TENT2: variants seen among roughly 807,000 people sequenced by gnomAD.
The protein encoded by TENT2 is terminal nucleotidyltransferase 2, also known as poly(A) RNA polymerase GLD2.
A neutral mutation model predicts 72.2 loss-of-function variants in TENT2; 44 were observed. The observed-to-expected ratio is 0.61, with a 90% CI of 0.48 to 0.78. The LOEUF is 0.78. TENT2 is among the 30% of genes least tolerant of loss of function. The pLI, the probability that TENT2 is intolerant of heterozygous loss-of-function variation, is 0.00. For missense variants in TENT2, 541 were observed against 569.6 expected (o/e 0.95, Z 0.51); for synonymous variants, 212 against 192.5 (o/e 1.10, Z -0.84).
At chr5:79,655,556 A>G (rs747235968) in intron 10 of TENT2, among the ~76,000 whole-genome samples, 4 of 152,092 alleles carry the variant, frequency 2.6e-5, no homozygotes, top group Non-Finnish European at 4.4e-5. Context: ...TGACTTCTGT[A>G]TTATAACCAA....
chr5:79,674,149 C>T (rs1223572341), intron 12 of TENT2, among the ~76,000 whole-genome samples: 5 of 152,030 alleles, frequency 3.3e-5, no homozygotes, highest in African/African-American at 1.2e-4. Context: ...TTTGGGAGGT[C>T]GAGGCAGGCA....
At chr5:79,632,152 A>G (rs1041034367) in intron 4 of TENT2, among the ~76,000 whole-genome samples, 1 of 152,214 alleles carries the variant, frequency 6.6e-6, no homozygotes, top group Non-Finnish European at 1.5e-5. Flanking sequence ...GGTAGTATAG[A>G]GGGCTCACTT....
chr5:79,666,301 T>C (rs184931130), intron 11 of TENT2, among the ~76,000 whole-genome samples: 2 of 152,116 alleles, frequency 1.3e-5, no homozygotes, highest in East Asian at 3.9e-4. Flanking sequence ...AAAGAAATTA[T>C]TTGTTGAAAT....
At chr5:79,663,351 T>C (rs1235506102) in intron 11 of TENT2, among the ~76,000 whole-genome samples, 1 of 152,248 alleles carries the variant, frequency 6.6e-6, no homozygotes, top group Non-Finnish European at 1.5e-5. Flanking sequence ...TGGCTGTCTT[T>C]GGTGCAAGAG....
intron 11 of TENT2, among the ~76,000 whole-genome samples, chr5:79,660,352 A>G (rs1801838209): frequency 6.6e-6 from 1 of 152,134 alleles, no homozygotes; most frequent in South Asian, 2.1e-4. Flanking sequence ...TTATGAAGGA[A>G]TCTTTATTTT....
chr5:79,663,462 T>A (rs1307005672), intron 11 of TENT2, among the ~76,000 whole-genome samples: 1 of 152,188 alleles, frequency 6.6e-6, no homozygotes, highest in Non-Finnish European at 1.5e-5. Context: ...ACTTTTCCTT[T>A]CACTTGGTCG....
At chr5:79,636,499 A>T (rs1040803351) in intron 4 of TENT2, among the ~76,000 whole-genome samples, 2 of 152,228 alleles carry the variant, frequency 1.3e-5, no homozygotes, top group African/African-American at 4.8e-5. Context: ...TATAGAAGTC[A>T]GGTAGGTTAA....
rs766886079 is a variant in TENT2, at chr5:79,619,701, A to T, written c.53A>T (p.Gln18Leu). Residue 18 changes from glutamine (Q) to leucine (L), a missense_variant, in exon 2 of 15, where the codon CAA (glutamine) becomes CTA (leucine). Physicochemically the swap from Gln to Leu is moderately radical, Grantham distance 113. Transcript: ENST00000453514. The part of the protein sequence containing the change: ...GRPPFTPNHQ[Q>L]HNNFFTLSPT... ...CCACCCTTCACTCCAAATCATCAAC[A>T]ACATAATAACTTCTTTACCCTGTCA... is the stretch of plus-strand genomic sequence containing the variant. 1.2e-6 allele frequency: 2 copies of T among 1,613,960 alleles called. No individual in the cohort carries two copies. Among genetic ancestry groups the T allele is most frequent in the South Asian group, 2.2e-5 (2 of 91,064 alleles).
At chr5:79,621,617 G>A (rs1480799654) in intron 3 of TENT2, among the ~76,000 whole-genome samples, 2 of 151,818 alleles carry the variant, frequency 1.3e-5, no homozygotes, top group Non-Finnish European at 2.9e-5. Context: ...AATTAGCCGA[G>A]TGTGGTGGCA....
chr5:79,645,694 T>A (rs1408813477), intron 8 of TENT2, among the ~76,000 whole-genome samples: 1 of 152,230 alleles, frequency 6.6e-6, no homozygotes, highest in East Asian at 1.9e-4. Flanking sequence ...GGGTTCTGAA[T>A]GTCTTATGGG....
At chr5:79,667,547 A>G (rs1469955294) in intron 11 of TENT2, among the ~76,000 whole-genome samples, 1 of 152,142 alleles carries the variant, frequency 6.6e-6, no homozygotes, top group Non-Finnish European at 1.5e-5. Flanking sequence ...CTTAAAATGT[A>G]ATTAATACTA....
In TENT2 at chr5:79,623,345, G is replaced by T; in HGVS notation, c.321G>T (p.Val107=). The T allele has an allele frequency of 2.5e-6, 4 of 1,613,576 alleles. No homozygotes were observed. The highest frequency in any genetic ancestry group is 3.4e-6 in the Non-Finnish European group (4 of 1,179,746). ...AGCCAACTGTAGTTAACCAGATAGT[G>T]CCTTTATCAGGTGAACGAAGATACT... ...HQEPTVVNQI[V]PLSGERRYSM... is the part of the protein sequence containing the mutation. The change falls in exon 4 of 15, where the codon GTG becomes GTT. Residue 107 remains valine (V), a synonymous_variant. Transcript: ENST00000453514.
In TENT2 at chr5:79,626,988, G is replaced by A. The variant is rs567145651; in HGVS notation, c.465+3499G>A. Among the ~76,000 whole-genome samples the A allele has an allele frequency of 7.9e-5, 12 of 152,028 alleles. No homozygotes were observed. In the East Asian group the frequency reaches 2.4e-3, roughly 30 times the overall value. The stretch of plus-strand genomic sequence containing the variant: ...CTACTAAAAATACAAAAATTAGCTG[G>A]GCGTGGTGGCAGGCGCCTATAGTCC... On this transcript the variant is annotated intron_variant, in intron 4 of 14. Transcript: ENST00000453514.
At chr5:79,654,117 T>G (rs923734455) in intron 10 of TENT2, among the ~76,000 whole-genome samples, 3 of 152,216 alleles carry the variant, frequency 2.0e-5, no homozygotes, top group South Asian at 2.1e-4. Context: ...GAGAAAGGAT[T>G]TTAATTATAA....
intron 4 of TENT2, among the ~76,000 whole-genome samples, chr5:79,635,813 C>T (rs1017620765): frequency 6.6e-6 from 1 of 152,192 alleles, no homozygotes; most frequent in Non-Finnish European, 1.5e-5. Context: ...ACCTTGGCCT[C>T]CCAAAGTGCT....
Position 79,650,298 on chromosome 5 carries a change from C to T in TENT2, c.1027+1108C>T, listed in dbSNP as rs533103712. On this transcript the variant is annotated intron_variant, in intron 10 of 14. Transcript: ENST00000453514. Reference sequence around the variant, plus strand: ...TGAGAATACAGCAGTGAACAACATACAAAAACAATTACCTTCTTCATGAAG... The same window carrying T: ...TGAGAATACAGCAGTGAACAACATATAAAAACAATTACCTTCTTCATGAAG... 2.0e-5 allele frequency among the ~76,000 whole-genome samples: 3 copies of T among 152,188 alleles called. No homozygotes were observed. In the East Asian group the frequency reaches 5.8e-4, roughly 29 times the overall value.
At chr5:79,637,229 C>CA (rs56715544) in intron 4 of TENT2, among the ~76,000 whole-genome samples, 10,110 of 148,390 alleles carry the variant, frequency 0.068, 438 homozygotes, top group South Asian at 0.13. Context: ...GACCATGTAT[C>CA]AAAAAAAAAA....
intron 11 of TENT2, among the ~76,000 whole-genome samples, chr5:79,659,183 A>G (rs1800157838): frequency 6.6e-6 from 1 of 152,018 alleles, no homozygotes; most frequent in African/African-American, 2.4e-5. Flanking sequence ...GCTGGTCAGC[A>G]GAACACATTT....
Position 79,634,137 on chromosome 5 carries a change from A to G in TENT2, c.466-6714A>G, listed in dbSNP as rs561444076. Among the ~76,000 whole-genome samples, 1,245 of 147,258 alleles carry G rather than the reference A, an allele frequency of 8.5e-3. 15 individuals carry two copies. Among genetic ancestry groups the G allele is most frequent in the African/African-American group, 0.03 (1,207 of 40,270 alleles). On this transcript the variant is annotated intron_variant, in intron 4 of 14. Coordinates refer to ENST00000453514, the MANE Select transcript of TENT2 (RefSeq NM_001114394.3). Reference sequence around the variant, plus strand: ...GCCACTGCACTCCAGCCTGGGCAACAGAGTGAGACTCCGTCTCAAAAAAAA... The same window carrying G: ...GCCACTGCACTCCAGCCTGGGCAACGGAGTGAGACTCCGTCTCAAAAAAAA...
Sources: allele counts gnomAD v4.1 joint callset (sites outside exome capture counted in the v4.1 genomes callset), GRCh38; gene constraint gnomAD v4.1.1; transcripts MANE v1.5; gene names NCBI Gene and HGNC (gene_info 2026-07-23, HGNC 2026-07-21).